Variants in MACF1 observed in about 807,000 individuals in gnomAD.
MACF1 encodes the protein microtubule-actin cross-linking factor 1.
In MACF1, 193 loss-of-function variants were observed where a neutral mutation model predicts 854.8. The observed-to-expected ratio is 0.23, with a 90% CI of 0.20 to 0.25. The LOEUF (loss-of-function observed/expected upper bound fraction) is 0.25. Among genes scored for constraint, MACF1 ranks in the 10% least tolerant of loss-of-function variants. The probability of loss-of-function intolerance (pLI) is 1.00; values close to 1 mark genes in which losing one functional copy is unlikely to be tolerated. For synonymous variants in MACF1, 3,185 were observed against 3,226.7 expected (o/e 0.99, Z 0.44); for missense variants, 7,722 against 8,929.1 (o/e 0.86, Z 5.45).
chr1:39,236,950 C>T (rs1644866084), intron 2 of MACF1, among the ~76,000 whole-genome samples: 1 of 152,180 alleles, frequency 6.6e-6, no homozygotes, highest in South Asian at 2.1e-4. Flanking sequence ...CCACCGCGTC[C>T]AGCCGTGATT....
At chr1:39,202,218 C>T (rs961622943), upstream of MACF1, among the ~76,000 whole-genome samples, 16 of 149,240 alleles carry the variant, frequency 1.1e-4, no homozygotes, top group South Asian at 2.1e-4. Context: ...CACCCGCCTC[C>T]GCCTCCCAAA....
chr1:39,165,055 TTGGAGGTTAGC>T (rs1295860061), intron 2 of MACF1, among the ~76,000 whole-genome samples: 3 of 152,266 alleles, frequency 2.0e-5, no homozygotes, highest in Admixed American at 2.0e-4. Flanking sequence ...CTGGGGATAT[TTGGAGGTTAGC>T]TGGAGAACTG....
chr1:39,095,312 C>T (rs1641909131), intron 2 of MACF1, among the ~76,000 whole-genome samples: 1 of 151,998 alleles, frequency 6.6e-6, no homozygotes, highest in Non-Finnish European at 1.5e-5. Flanking sequence ...CCTGTAATCC[C>T]AGCACTTTGG....
In MACF1 at chr1:39,455,749, C is replaced by T. The variant is rs36053015; in HGVS notation, c.21075+652C>T. On this transcript the variant is annotated intron_variant, in intron 89 of 100. Transcript: ENST00000564288. Reference sequence around the variant, plus strand: ...TTATACCTGGTTCAGAAAGCTCTCTCGCATGAACCCAGTGGTCAGTGAAGG... The same window carrying T: ...TTATACCTGGTTCAGAAAGCTCTCTTGCATGAACCCAGTGGTCAGTGAAGG... Among the ~76,000 whole-genome samples the T allele has an allele frequency of 2.3e-3, 352 of 152,228 alleles. 1 individual carries two copies. Among genetic ancestry groups the T allele is most frequent in the Non-Finnish European group, 4.0e-3 (272 of 68,006 alleles).
intron 47 of MACF1, among the ~76,000 whole-genome samples, chr1:39,360,054 C>CACAT (rs1648027393): frequency 2.4e-5 from 1 of 41,230 alleles, no homozygotes; most frequent in Non-Finnish European, 5.0e-5. Context: ...TATATATATA[C>CACAT]ACACACACAC....
At chr1:39,092,721 T>C (rs1459798455) in intron 2 of MACF1, among the ~76,000 whole-genome samples, 1 of 152,212 alleles carries the variant, frequency 6.6e-6, no homozygotes, top group Admixed American at 6.5e-5. Context: ...TCATGGCCAA[T>C]TTTATTTCAT....
At chr1:39,383,734 G>A (rs1283294856) in intron 56 of MACF1, among the ~76,000 whole-genome samples, 5 of 151,992 alleles carry the variant, frequency 3.3e-5, no homozygotes, top group African/African-American at 1.2e-4. Flanking sequence ...AAAATTAGCC[G>A]GGTGTGGTGG....
chr1:39,101,444 G>A (rs998985255), intron 2 of MACF1, among the ~76,000 whole-genome samples: 1 of 151,182 alleles, frequency 6.6e-6, no homozygotes, highest in African/African-American at 2.4e-5. Flanking sequence ...GCCCAGGCTG[G>A]TCGTGAACTC....
chr1:39,110,736 A>G (rs1398360809), intron 2 of MACF1, among the ~76,000 whole-genome samples: 2 of 152,224 alleles, frequency 1.3e-5, no homozygotes, highest in African/African-American at 4.8e-5. Flanking sequence ...TCCATGTGCT[A>G]ACAGTGCTTA....
At position 39,412,802 on chromosome 1, in the gene MACF1, C is replaced by T. The variant is rs1383064979; in HGVS notation, c.15817-9572C>T. 12 of 1,612,468 alleles carry T rather than the reference C, an allele frequency of 7.4e-6. No individual in the cohort carries two copies. The Admixed American group carries it at 8.4e-5, about 11-fold the overall frequency. ...GCTGCAGTACCCACTGTCAAAGATG[C>T]CCTAGATGCTGCACTGCCCAGCCCA... is the stretch of plus-strand genomic sequence containing the variant. On this transcript the variant is annotated intron_variant, in intron 58 of 100. Coordinates refer to ENST00000564288, the MANE Select transcript of MACF1 (RefSeq NM_001394062.1).
intron 6 of MACF1, chr1:39,269,745 A>G (rs372848877): frequency 1.6e-6 from 2 of 1,273,704 alleles, no homozygotes; most frequent in African/African-American, 3.1e-5. Context: ...TCAAGAGATA[A>G]TCAAACTGCT....
intron 5 of MACF1, 157 bp downstream of exon 5, chr1:39,254,532 G>A: frequency 1.6e-6 from 1 of 631,768 alleles, no homozygotes; most frequent in Non-Finnish European, 2.8e-6. Flanking sequence ...ATTGTATTCT[G>A]GTTAGAGAAA....
At chr1:39,175,914 G>A (rs1211747101) in intron 2 of MACF1, among the ~76,000 whole-genome samples, 5 of 140,390 alleles carry the variant, frequency 3.6e-5, no homozygotes, top group Non-Finnish European at 6.1e-5. Context: ...TGGCTAACAT[G>A]GTGAAACCCT....
chr1:39,300,539 C>G (rs1646017414), intron 22 of MACF1, among the ~76,000 whole-genome samples, 177 bp downstream of exon 22: 2 of 151,926 alleles, frequency 1.3e-5, no homozygotes, highest in Non-Finnish European at 2.9e-5. Flanking sequence ...AACTTCAACA[C>G]TATAATCTTG....
At chr1:39,395,085 A>C (rs1482009282) in intron 58 of MACF1, among the ~76,000 whole-genome samples, 3 of 152,154 alleles carry the variant, frequency 2.0e-5, no homozygotes, top group Admixed American at 6.5e-5. Flanking sequence ...GTGGGGAGGA[A>C]AGGGGCAGCC....
At chr1:39,221,171 T>G (rs563088067) in intron 1 of MACF1, among the ~76,000 whole-genome samples, 38 of 152,236 alleles carry the variant, frequency 2.5e-4, no homozygotes, top group African/African-American at 8.9e-4. Flanking sequence ...GATTGTAAAT[T>G]TCTTCAGGTC....
At chr1:39,268,586 A>G (rs1645263888) in intron 6 of MACF1, 5 of 1,182,904 alleles carry the variant, frequency 4.2e-6, no homozygotes, top group Non-Finnish European at 4.3e-6. Context: ...GATTGCCGGC[A>G]TAGTGCATGT....
In MACF1 at chr1:39,135,157, A is replaced by G. The variant is rs569728913; in HGVS notation, c.220+50719A>G. Among the ~76,000 whole-genome samples the G allele has an allele frequency of 2.0e-3, 304 of 152,304 alleles. 2 individuals are homozygous for G. The highest frequency in any genetic ancestry group is 7.1e-3 in the African/African-American group (294 of 41,572). The stretch of plus-strand genomic sequence containing the variant: ...AGGCTAAATAATATTCCATTTATGT[A>G]TCTACCACATTTTATTTATCCATTC... On this transcript the variant is annotated intron_variant, in intron 2 of 93. Transcript: ENST00000361689.
At position 39,388,643 on chromosome 1, in the gene MACF1, A is replaced by G. The variant is rs201871066; in HGVS notation, c.15801A>G (p.Gln5267=). The G allele has an allele frequency of 1.6e-5, 25 of 1,570,432 alleles. No homozygotes were observed. The highest frequency in any genetic ancestry group is 1.7e-4 in the Middle Eastern group (1 of 5,866). ...CCGAAGTGGAAATCATCAACCAACA[A>G]TTAGCAGATTTTAAAGTAAGTCTGA... ...VGTEVEIINQ[Q]LADFKMFQKE... Residue 5267 remains glutamine, a synonymous_variant, in exon 58 of 101, where the codon CAA becomes CAG. Transcript: ENST00000564288.
Sources: allele counts gnomAD v4.1 joint callset (sites outside exome capture counted in the v4.1 genomes callset), GRCh38; gene constraint gnomAD v4.1.1; transcripts MANE v1.5; gene names NCBI Gene and HGNC (gene_info 2026-07-23, HGNC 2026-07-21).